Variants in CAMTA1 observed in about 807,000 individuals in gnomAD.
CAMTA1 encodes the protein calmodulin-binding transcription activator 1.
In CAMTA1, 27 loss-of-function variants were observed where a neutral mutation model predicts 170.9. The ratio of observed to expected loss-of-function variants is 0.16; its 90% CI spans 0.12 to 0.22. The LOEUF (loss-of-function observed/expected upper bound fraction) is 0.22. Among genes scored for constraint, CAMTA1 ranks in the 10% least tolerant of loss-of-function variants. The probability of loss-of-function intolerance (pLI) is 1.00; values close to 1 mark genes in which losing one functional copy is unlikely to be tolerated. For missense variants in CAMTA1, 1,619 were observed against 2,217.2 expected (o/e 0.73, Z 5.42); for synonymous variants, 833 against 891.5 (o/e 0.93, Z 1.17).
intron 3 of CAMTA1, among the ~76,000 whole-genome samples, chr1:6,871,253 A>AT (rs1668326872): frequency 6.6e-6 from 1 of 152,208 alleles, no homozygotes; most frequent in Admixed American, 6.5e-5. Context: ...GTGAGACCAC[A>AT]TCTTAATAGA....
chr1:7,021,720 TTAA>T (rs1443636770), intron 3 of CAMTA1, among the ~76,000 whole-genome samples: 1 of 152,212 alleles, frequency 6.6e-6, no homozygotes, highest in East Asian at 1.9e-4. Flanking sequence ...CAGCTGTACC[TTAA>T]TAAAGCTATA....
At chr1:7,346,121 G>A (rs1431156035) in intron 5 of CAMTA1, among the ~76,000 whole-genome samples, 1 of 152,174 alleles carries the variant, frequency 6.6e-6, no homozygotes, top group African/African-American at 2.4e-5. Flanking sequence ...TGTTTATATG[G>A]TTTGAAAGCT....
chr1:6,816,787 A>G lies in CAMTA1; in HGVS notation c.46-3394A>G, dbSNP rs576792970. 5.9e-5 allele frequency among the ~76,000 whole-genome samples: 9 copies of G among 152,322 alleles called. No individual in the cohort carries two copies. The South Asian group carries it at 6.2e-4, about 11-fold the overall frequency. On this transcript the variant is annotated intron_variant, in intron 1 of 22. Coordinates refer to ENST00000303635, the MANE Select transcript of CAMTA1 (RefSeq NM_015215.4). Reference sequence around the variant, plus strand: ...CCTCCCTCTATGGCAGAGCCGCCCCAGTATTGCAGACAGGCGCCTAGAGGG... The same window carrying G: ...CCTCCCTCTATGGCAGAGCCGCCCCGGTATTGCAGACAGGCGCCTAGAGGG...
intron 6 of CAMTA1, among the ~76,000 whole-genome samples, chr1:7,571,721 C>A (rs1443854206): frequency 1.3e-5 from 2 of 152,148 alleles, no homozygotes; most frequent in Admixed American, 1.3e-4. Context: ...ATCACATTTT[C>A]TTTATCCAGT....
In CAMTA1 at chr1:6,877,250, C is replaced by T. The variant is rs145839051; in HGVS notation, c.234+52040C>T. ...AGGTTAGGGCAGTTTTGAGGGCAAG[C>T]GGCAGACTTCCTCACTGTGAAAGTC... On this transcript the variant is annotated intron_variant, in intron 3 of 22. Transcript: ENST00000303635. 9.8e-5 allele frequency among the ~76,000 whole-genome samples: 15 copies of T among 152,292 alleles called. No individual in the cohort carries two copies. The East Asian group carries it at 2.3e-3, about 24-fold the overall frequency.
chr1:7,498,351 T>TA (rs1010122254), intron 6 of CAMTA1, among the ~76,000 whole-genome samples: 2 of 143,326 alleles, frequency 1.4e-5, no homozygotes, highest in African/African-American at 5.4e-5. Flanking sequence ...TGAGTGTGTG[T>TA]AGAGTGAGTG....
At chr1:6,960,018 G>A (rs1285981612) in intron 3 of CAMTA1, among the ~76,000 whole-genome samples, 1 of 152,202 alleles carries the variant, frequency 6.6e-6, no homozygotes, top group African/African-American at 2.4e-5. Flanking sequence ...CCATTTTACA[G>A]ATGAGGAAAT....
chr1:7,606,707 G>A (rs2095489140), intron 6 of CAMTA1, among the ~76,000 whole-genome samples: 1 of 152,212 alleles, frequency 6.6e-6, no homozygotes, highest in Non-Finnish European at 1.5e-5. Flanking sequence ...TCCAGGGGAT[G>A]GGAACATGGA....
rs1663491932 is a variant in CAMTA1 at position 7,234,763 on chromosome 1, G to A, written c.303-14728G>A. Among the ~76,000 whole-genome samples the A allele has an allele frequency of 6.6e-6, 1 of 150,560 alleles. No individual in the cohort carries two copies. Among genetic ancestry groups the A allele is most frequent in the Admixed American group, 6.7e-5 (1 of 15,036 alleles). ...GAACAAACTGTGGCTTAACGATCTTGGGAAATTGGAAAATACAAGTTGACC... is the reference window on the plus strand; with the variant it reads ...GAACAAACTGTGGCTTAACGATCTTAGGAAATTGGAAAATACAAGTTGACC... On this transcript the variant is annotated intron_variant, in intron 4 of 22. Transcript: ENST00000303635. This position sits in a 1 kb window ranked among gnomAD's most constrained non-coding sequence, Gnocchi z 5.0.
At chr1:7,390,090 C>T (rs2088522878) in intron 5 of CAMTA1, among the ~76,000 whole-genome samples, 1 of 152,176 alleles carries the variant, frequency 6.6e-6, no homozygotes, top group Non-Finnish European at 1.5e-5. Flanking sequence ...GTGCAGGAGC[C>T]AAGAGCCCGG....
chr1:7,669,741 G>A (rs533911082), intron 9 of CAMTA1, among the ~76,000 whole-genome samples: 1 of 152,310 alleles, frequency 6.6e-6, no homozygotes, highest in South Asian at 2.1e-4. Context: ...GCGCCTCTGG[G>A]GTGGGTCCAC....
chr1:7,102,764 C>G (rs772125139), intron 4 of CAMTA1, among the ~76,000 whole-genome samples: 2 of 152,110 alleles, frequency 1.3e-5, no homozygotes, highest in Non-Finnish European at 1.5e-5. Context: ...TTGGGCGATG[C>G]TGCCCTTCTG....
In CAMTA1 at chr1:7,643,360, C is replaced by T. The variant is rs545026999; in HGVS notation, c.664+2807C>T. On this transcript the variant is annotated intron_variant, in intron 7 of 22. Coordinates refer to ENST00000303635, the MANE Select transcript of CAMTA1 (RefSeq NM_015215.4). ...CAAAAGTTCCAAGAGATTGTGTGAG[C>T]CAGAGATTAGCCAAGGAGGTTCTCC... is the stretch of plus-strand genomic sequence containing the variant. Among the ~76,000 whole-genome samples the T allele has an allele frequency of 2.0e-5, 3 of 152,346 alleles. No individual in the cohort carries two copies. The East Asian group carries it at 5.8e-4, about 29-fold the overall frequency.
intron 6 of CAMTA1, among the ~76,000 whole-genome samples, chr1:7,589,892 C>T (rs887216613): frequency 1.3e-5 from 2 of 152,246 alleles, no homozygotes; most frequent in African/African-American, 4.8e-5. Flanking sequence ...GGCTGCCCTT[C>T]TGGCTGTGTG....
intron 6 of CAMTA1, among the ~76,000 whole-genome samples, chr1:7,555,040 T>A (rs2094857677): frequency 6.6e-6 from 1 of 152,054 alleles, no homozygotes; most frequent in Non-Finnish European, 1.5e-5. Flanking sequence ...CAGTAAACTG[T>A]GAACCTCAAG....
At chr1:6,926,897 ACT>A (rs1054438184) in intron 3 of CAMTA1, among the ~76,000 whole-genome samples, 2 of 151,404 alleles carry the variant, frequency 1.3e-5, no homozygotes, top group Non-Finnish European at 2.9e-5. Flanking sequence ...TGCCCAGCTA[ACT>A]CTTTAAAATT....
At chr1:7,367,896 C>T (rs534770615) in intron 5 of CAMTA1, among the ~76,000 whole-genome samples, 30 of 151,746 alleles carry the variant, frequency 2.0e-4, no homozygotes, top group East Asian at 1.4e-3. Flanking sequence ...CTCATGGTTT[C>T]GTTGGGCACA....
chr1:7,757,013 A>G (rs2096936262), intron 22 of CAMTA1, among the ~76,000 whole-genome samples: 1 of 152,236 alleles, frequency 6.6e-6, no homozygotes, highest in Non-Finnish European at 1.5e-5. Context: ...TATCAACTCA[A>G]CTATATTCAA....
At chr1:7,517,670 C>T (rs1454461291) in intron 6 of CAMTA1, among the ~76,000 whole-genome samples, 1 of 152,002 alleles carries the variant, frequency 6.6e-6, no homozygotes, top group Admixed American at 6.5e-5. Flanking sequence ...GGGCTGACGG[C>T]TGGGGCTTAT....
Sources: allele counts gnomAD v4.1 joint callset (sites outside exome capture counted in the v4.1 genomes callset), GRCh38; gene constraint gnomAD v4.1.1; non-coding constraint Gnocchi (gnomAD v3.1); transcripts MANE v1.5; gene names NCBI Gene and HGNC (gene_info 2026-07-23, HGNC 2026-07-21).